The following NXPE2 variants were observed in gnomAD, a reference collection of about 807,000 sequenced individuals.
The protein encoded by NXPE2 is NXPE family member 2.
NXPE2 carries 34 observed loss-of-function variants against 34.4 expected under a neutral mutation model. The ratio of observed to expected loss-of-function variants is 0.99; its 90% CI spans 0.75 to 1.31. The LOEUF (loss-of-function observed/expected upper bound fraction) is 1.31, where lower values mean the gene tolerates loss of function less well. Ranked by LOEUF, NXPE2 falls within the 40% of genes most tolerant of loss-of-function variation. The pLI, the probability that NXPE2 is intolerant of heterozygous loss-of-function variation, is 0.00. For synonymous variants in NXPE2, 235 were observed against 231.3 expected, an observed-to-expected ratio of 1.02 and a Z score of -0.15; for missense variants, 649 against 672.5, an observed-to-expected ratio of 0.97 and a Z score of 0.39.
chr11:114,805,870 G>C, the NXPE2 span, among the ~76,000 whole-genome samples: 1 of 152,228 alleles, frequency 6.6e-6, no homozygotes, highest in Non-Finnish European at 1.5e-5. Flanking sequence ...CACGCAGCTT[G>C]AGATCTGAGA....
chr11:114,788,467 C>T, the NXPE2 span, among the ~76,000 whole-genome samples: 1 of 152,196 alleles, frequency 6.6e-6, no homozygotes, highest in Non-Finnish European at 1.5e-5. Flanking sequence ...AGACGGCCCC[C>T]AGAGAAAATC....
chr11:114,606,765 G>T, the NXPE2 span, among the ~76,000 whole-genome samples: 3 of 151,884 alleles, frequency 2.0e-5, no homozygotes, highest in Non-Finnish European at 2.9e-5. Context: ...TACCACAGGG[G>T]TAACCACTAT....
the NXPE2 span, among the ~76,000 whole-genome samples, chr11:114,764,118 A>G: frequency 6.6e-6 from 1 of 152,028 alleles, no homozygotes; most frequent in South Asian, 2.1e-4. Context: ...GAATCAGGCT[A>G]CTCGAACTCT....
the NXPE2 span, among the ~76,000 whole-genome samples, chr11:114,729,069 T>G: frequency 6.6e-6 from 1 of 152,044 alleles, no homozygotes; most frequent in Non-Finnish European, 1.5e-5. Context: ...CCTTACCCCC[T>G]CCCTTCCTCC....
the NXPE2 span, among the ~76,000 whole-genome samples, chr11:114,557,161 T>G: frequency 6.6e-6 from 1 of 152,176 alleles, no homozygotes; most frequent in Non-Finnish European, 1.5e-5. Context: ...CCCAAAGTTC[T>G]GGGATTACAG....
At chr11:114,477,628 G>T in the NXPE2 span, among the ~76,000 whole-genome samples, 1 of 152,036 alleles carries the variant, frequency 6.6e-6, no homozygotes, top group African/African-American at 2.4e-5. Flanking sequence ...GATATTGCAA[G>T]AAAAACGAAT....
At chr11:114,801,176 TATAAAGAAAAAAGGAAAAGAGAATATCAG>T in the NXPE2 span, among the ~76,000 whole-genome samples, 1 of 151,804 alleles carries the variant, frequency 6.6e-6, no homozygotes, top group Non-Finnish European at 1.5e-5. Context: ...AGAGAGAAAA[TATAAAGAAAAAAGGAAAAGAGAATATCAG>T]ATTGTGATAA....
chr11:114,731,196 A>T, the NXPE2 span, among the ~76,000 whole-genome samples: 1 of 145,000 alleles, frequency 6.9e-6, no homozygotes, highest in African/African-American at 2.4e-5. Context: ...ACCTATCGGA[A>T]TATTTAAAAT....
At chr11:114,607,621 G>T in the NXPE2 span, among the ~76,000 whole-genome samples, 1 of 151,136 alleles carries the variant, frequency 6.6e-6, no homozygotes, top group Non-Finnish European at 1.5e-5. Flanking sequence ...AGTGTTACCC[G>T]GTGGATAAGT....
the NXPE2 span, among the ~76,000 whole-genome samples, chr11:114,591,524 A>G: frequency 6.6e-6 from 1 of 152,126 alleles, no homozygotes; most frequent in African/African-American, 2.4e-5. Flanking sequence ...CATGACATCA[A>G]CTTGAAGCCC....
At chr11:114,606,780 C>T in the NXPE2 span, among the ~76,000 whole-genome samples, 11 of 151,486 alleles carry the variant, frequency 7.3e-5, no homozygotes, top group South Asian at 2.3e-3. Flanking sequence ...CACTATTATC[C>T]AGTCGATAAT....
the NXPE2 span, among the ~76,000 whole-genome samples, chr11:114,533,430 C>T: frequency 6.6e-6 from 1 of 152,156 alleles, no homozygotes; most frequent in African/African-American, 2.4e-5. Context: ...GAGTGCCGGA[C>T]AGTGGGTGCA....
the NXPE2 span, among the ~76,000 whole-genome samples, chr11:114,601,552 A>G: frequency 6.3e-4 from 56 of 88,786 alleles, no homozygotes; most frequent in African/African-American, 2.3e-3. Flanking sequence ...TATTATTTAT[A>G]ATTATATATA....
the NXPE2 span, among the ~76,000 whole-genome samples, chr11:114,561,014 T>C: frequency 6.6e-6 from 1 of 152,238 alleles, no homozygotes; most frequent in Admixed American, 6.5e-5. Flanking sequence ...CTCTCATGCC[T>C]CATGCCCTTC....
At chr11:114,533,727 A>T in the NXPE2 span, among the ~76,000 whole-genome samples, 1 of 152,200 alleles carries the variant, frequency 6.6e-6, no homozygotes, top group South Asian at 2.1e-4. Flanking sequence ...AGGCGGCAGC[A>T]AGACTAGGGG....
the NXPE2 span, chr11:114,530,969 T>G: frequency 4.8e-6 from 7 of 1,452,282 alleles, no homozygotes; most frequent in South Asian, 2.9e-5. Context: ...TTTTACTTAT[T>G]ATGAGTTTGA....
At chr11:114,585,279 G>T in the NXPE2 span, among the ~76,000 whole-genome samples, 1 of 151,626 alleles carries the variant, frequency 6.6e-6, no homozygotes, top group South Asian at 2.1e-4. Context: ...TTATTTTTGT[G>T]AGACTCTGTA....
the NXPE2 span, among the ~76,000 whole-genome samples, chr11:114,763,668 T>C: frequency 6.6e-6 from 1 of 152,214 alleles, no homozygotes; most frequent in Non-Finnish European, 1.5e-5. Context: ...TAATTGCACC[T>C]GGTCCATAAA....
At chr11:114,789,199 T>G in the NXPE2 span, among the ~76,000 whole-genome samples, 20 of 152,190 alleles carry the variant, frequency 1.3e-4, no homozygotes, top group Admixed American at 2.6e-4. Flanking sequence ...CCACAAAAAA[T>G]AGCTATGTGA....
Sources: allele counts gnomAD v4.1 joint callset (sites outside exome capture counted in the v4.1 genomes callset), GRCh38; gene constraint gnomAD v4.1.1; transcripts MANE v1.5; gene names NCBI Gene and HGNC (gene_info 2026-07-23, HGNC 2026-07-21).